Variants in SKAP1 observed in about 807,000 individuals in gnomAD.
The protein encoded by SKAP1 is src kinase-associated phosphoprotein 1.
Under a neutral mutation model 58.5 loss-of-function variants are expected in SKAP1, and 44 were observed. The observed-to-expected ratio is 0.75, with a 90% CI of 0.59 to 0.97. The LOEUF (loss-of-function observed/expected upper bound fraction) is 0.97. SKAP1 is among the 50% of genes least tolerant of loss of function. The pLI is 0.00. For missense variants in SKAP1, 390 were observed against 435.2 expected (o/e 0.90, Z 0.92); for synonymous variants, 127 against 149.7 (o/e 0.85, Z 1.11).
At chr17:48,225,999 A>C (rs1374028101) in intron 4 of SKAP1, among the ~76,000 whole-genome samples, 1 of 152,214 alleles carries the variant, frequency 6.6e-6, no homozygotes, top group Non-Finnish European at 1.5e-5. Flanking sequence ...CGGTTAGTAC[A>C]ACAGCTGCTG....
In SKAP1 at chr17:48,224,030, GAGAGA is replaced by G. The variant is rs1170902438; in HGVS notation, c.281-34535_281-34531del. Among the ~76,000 whole-genome samples the G allele has an allele frequency of 7.4e-3, 836 of 113,176 alleles. 13 individuals carry two copies. The highest frequency in any genetic ancestry group is 0.027 in the African/African-American group (796 of 29,344). 74.2% of individuals were successfully genotyped at this position (113,176 alleles called of 152,430 possible). Reference sequence around the variant, plus strand: ...GGAGACAGAGAGAGAGAGAGAGAGAGAGAGAAGAAGGAGGAGGAGGAGGAGGAGGA... The same window carrying G: ...GGAGACAGAGAGAGAGAGAGAGAGAGAGAAGGAGGAGGAGGAGGAGGAGGA... On this transcript the variant is annotated intron_variant, in intron 4 of 12. Transcript: ENST00000336915.
chr17:48,234,742 C>A (rs2065161618), intron 4 of SKAP1, among the ~76,000 whole-genome samples: 1 of 151,720 alleles, frequency 6.6e-6, no homozygotes, highest in African/African-American at 2.4e-5. Flanking sequence ...GAAAGACAGT[C>A]AAATAAATAA....
chr17:48,189,594 CA>C (rs773031189), intron 4 of SKAP1, 94 bp from the exon 5 acceptor site: 92 of 775,136 alleles, frequency 1.2e-4, no homozygotes, highest in Admixed American at 2.0e-4. Context: ...TAACAGAGTA[CA>C]AAAAGGGCAA....
chr17:48,304,209 T>A (rs1228612883), intron 4 of SKAP1, among the ~76,000 whole-genome samples: 1 of 152,182 alleles, frequency 6.6e-6, no homozygotes, highest in Non-Finnish European at 1.5e-5. Flanking sequence ...TAATGACACT[T>A]ACAGACATTT....
Position 48,237,974 on chromosome 17 carries a change from T to C in SKAP1, c.281-48474A>G, listed in dbSNP as rs1177363841. ...CGCTCTGCTTTTGTTGTTGTTGTTG[T>C]TGTTTTTTGTTTGTTTTGTTTTTTG... On this transcript the variant is annotated intron_variant, in intron 4 of 12. Coordinates refer to ENST00000336915, the MANE Select transcript of SKAP1 (RefSeq NM_003726.4). Among the ~76,000 whole-genome samples, 2 of 151,352 alleles carry C rather than the reference T, an allele frequency of 1.3e-5. 1 individual carries two copies. Among genetic ancestry groups the C allele is most frequent in the Non-Finnish European group, 2.9e-5 (2 of 67,816 alleles).
At chr17:48,182,761 A>G (rs1160144999) in intron 7 of SKAP1, among the ~76,000 whole-genome samples, 1 of 152,232 alleles carries the variant, frequency 6.6e-6, no homozygotes, top group African/African-American at 2.4e-5. Context: ...TACAAGAAAA[A>G]GAAGCAAACC....
chr17:48,143,020 T>C (rs2063787408), intron 11 of SKAP1, among the ~76,000 whole-genome samples: 1 of 149,930 alleles, frequency 6.7e-6, no homozygotes, highest in African/African-American at 2.5e-5. Context: ...TCTCCCTATG[T>C]TGCCCAGGCT....
At chr17:48,186,585 A>G (rs1248291933) in intron 6 of SKAP1, among the ~76,000 whole-genome samples, 3 of 152,176 alleles carry the variant, frequency 2.0e-5, no homozygotes, top group Middle Eastern at 3.4e-3. Flanking sequence ...TCCTGGGTTC[A>G]AGCAATTCTC....
intron 4 of SKAP1, among the ~76,000 whole-genome samples, chr17:48,227,426 G>A (rs2065082298): frequency 6.6e-6 from 1 of 152,142 alleles, no homozygotes; most frequent in Non-Finnish European, 1.5e-5. Flanking sequence ...CTTGGTTTCT[G>A]TCTGGGCACC....
rs531601392 is a variant in SKAP1, at chr17:48,193,655, C to T, written c.281-4155G>A. The T allele has an allele frequency of 1.0e-4, 102 of 981,688 alleles. No homozygotes were observed. In the African/African-American group the frequency reaches 1.7e-3, roughly 16 times the overall value. 60.8% of individuals were successfully genotyped at this position (981,688 alleles called of 1,614,324 possible). A position where few individuals can be genotyped will look rare whatever the true frequency, so the allele number is the denominator to read the frequency against. ...ATCCACAGTGGCATGCAAGGTACCT[C>T]CTCTTTCAGTGTCAGCGCAGGGTCC... is the stretch of plus-strand genomic sequence containing the variant. On this transcript the variant is annotated intron_variant, in intron 4 of 12. Transcript: ENST00000336915.
intron 4 of SKAP1, among the ~76,000 whole-genome samples, chr17:48,233,891 T>C (rs969602573): frequency 1.5e-4 from 23 of 152,094 alleles, no homozygotes; most frequent in African/African-American, 5.3e-4. Flanking sequence ...GTGGCAGAAA[T>C]ACAAGCCAAC....
chr17:48,213,806 T>C (rs2064905450), intron 4 of SKAP1, among the ~76,000 whole-genome samples: 1 of 152,212 alleles, frequency 6.6e-6, no homozygotes. Flanking sequence ...GAAGACTTTT[T>C]TCCCTCTTAT....
At chr17:48,202,377 G>A (rs2064739566) in intron 4 of SKAP1, among the ~76,000 whole-genome samples, 1 of 152,000 alleles carries the variant, frequency 6.6e-6, no homozygotes, top group Non-Finnish European at 1.5e-5. Flanking sequence ...CTTTGACCTG[G>A]TATGTATTAT....
chr17:48,403,633 C>A (rs912358092), intron 1 of SKAP1, among the ~76,000 whole-genome samples: 1 of 151,882 alleles, frequency 6.6e-6, no homozygotes, highest in Non-Finnish European at 1.5e-5. Context: ...GAAGATGAGA[C>A]GTGTACAAAG....
intron 4 of SKAP1, among the ~76,000 whole-genome samples, chr17:48,328,270 G>A (rs569702149): frequency 7.2e-5 from 11 of 152,266 alleles, no homozygotes; most frequent in East Asian, 3.9e-4. Flanking sequence ...GTACAAATTC[G>A]TGACAGCATT....
At chr17:48,337,794 A>G (rs2066593873) in intron 4 of SKAP1, among the ~76,000 whole-genome samples, 1 of 152,172 alleles carries the variant, frequency 6.6e-6, no homozygotes, top group African/African-American at 2.4e-5. Context: ...CTTGCAAGAA[A>G]TCATCTAGGA....
intron 4 of SKAP1, among the ~76,000 whole-genome samples, chr17:48,215,252 G>A (rs2064924922): frequency 6.6e-6 from 1 of 152,156 alleles, no homozygotes; most frequent in Admixed American, 6.5e-5. Flanking sequence ...TGAAGGGTAG[G>A]GGTATTCTTG....
chr17:48,273,129 A>C (rs748619860), intron 4 of SKAP1, among the ~76,000 whole-genome samples: 26 of 152,136 alleles, frequency 1.7e-4, no homozygotes, highest in Non-Finnish European at 3.7e-4. Context: ...GAACCATTTC[A>C]CTTTCCTGCC....
chr17:48,207,652 C>T (rs2064825854), intron 4 of SKAP1, among the ~76,000 whole-genome samples: 1 of 152,124 alleles, frequency 6.6e-6, no homozygotes, highest in Non-Finnish European at 1.5e-5. Context: ...GCTCTTCCTA[C>T]ATTGCAAGGG....
Sources: gnomAD v4.1 joint callset for allele counts (sites outside exome capture counted in the v4.1 genomes callset) on GRCh38, gnomAD v4.1.1 for gene constraint, MANE v1.5 for transcripts, NCBI Gene and HGNC (gene_info 2026-07-23, HGNC 2026-07-21) for gene names.